The following KANSL1L variants were observed in gnomAD, a reference collection of about 807,000 sequenced individuals.
KANSL1L encodes the protein KAT8 regulatory NSL complex subunit 1 like.
Under a neutral mutation model 108.6 loss-of-function variants are expected in KANSL1L, and 25 were observed. The ratio of observed to expected loss-of-function variants is 0.23; its 90% CI spans 0.17 to 0.32. KANSL1L has a LOEUF of 0.32. Ranked by LOEUF, KANSL1L falls within the 10% of genes least tolerant of loss-of-function variation. KANSL1L has a pLI of 1.00. For synonymous variants in KANSL1L, 405 were observed against 395.1 expected (o/e 1.03, Z -0.30); for missense variants, 1,137 against 1,125.7 (o/e 1.01, Z -0.14).
At chr2:210,055,526 A>C (rs2094340737) in intron 6 of KANSL1L, among the ~76,000 whole-genome samples, 1 of 152,234 alleles carries the variant, frequency 6.6e-6, no homozygotes, top group South Asian at 2.1e-4. Context: ...CTCACAAGAC[A>C]GGTAGATGTG....
intron 13 of KANSL1L, among the ~76,000 whole-genome samples, chr2:210,024,725 GAAAA>G (rs2093912087): frequency 6.6e-6 from 1 of 151,828 alleles, no homozygotes; most frequent in African/African-American, 2.4e-5. Flanking sequence ...TTTTTTTAAA[GAAAA>G]ACATATTTTG....
intron 2 of KANSL1L, among the ~76,000 whole-genome samples, chr2:210,132,945 T>G (rs2095135249): frequency 6.6e-6 from 1 of 152,338 alleles, no homozygotes; most frequent in South Asian, 2.1e-4. Flanking sequence ...AAGTTTTCTA[T>G]GTGGGAAAGT....
chr2:210,065,149 C>A (rs1322161459), intron 6 of KANSL1L, among the ~76,000 whole-genome samples: 1 of 151,088 alleles, frequency 6.6e-6, no homozygotes, highest in Non-Finnish European at 1.5e-5. Flanking sequence ...CAAAAACAGC[C>A]CTGTGTGGTG....
intron 3 of KANSL1L, among the ~76,000 whole-genome samples, chr2:210,108,283 T>C (rs2094870347): frequency 6.6e-6 from 1 of 152,108 alleles, no homozygotes; most frequent in African/African-American, 2.4e-5. Flanking sequence ...ATAATGATAT[T>C]CTTAAAGGAA....
At chr2:210,032,532 A>G (rs1024009160) in intron 8 of KANSL1L, 1 of 152,304 alleles carries the variant, frequency 6.6e-6, no homozygotes, top group African/African-American at 2.4e-5. Flanking sequence ...TGGGAGCAGG[A>G]CAACTATCTG....
intron 5 of KANSL1L, among the ~76,000 whole-genome samples, chr2:210,095,485 C>T (rs1022985007): frequency 2.0e-5 from 3 of 152,100 alleles, no homozygotes; most frequent in Non-Finnish European, 4.4e-5. Context: ...GACCACGTTT[C>T]CTCAAAATTT....
chr2:210,063,675 G>A (rs1010909488), intron 6 of KANSL1L: 1 of 151,952 alleles, frequency 6.6e-6, no homozygotes, highest in Non-Finnish European at 1.5e-5. Context: ...GGGGCCTGTA[G>A]CCCCCTTTTT....
chr2:210,104,045 AG>A (rs766644858), intron 4 of KANSL1L, 58 bp downstream of exon 4: 1 of 1,292,756 alleles, frequency 7.7e-7, no homozygotes, highest in South Asian at 1.2e-5. Flanking sequence ...TTATTTGAAT[AG>A]TTTACAAAAT....
chr2:210,128,547 T>C lies in KANSL1L; in HGVS notation c.1230+484A>G, dbSNP rs183372858. On this transcript the variant is annotated intron_variant, in intron 3 of 14. Coordinates refer to ENST00000281772, the MANE Select transcript of KANSL1L (RefSeq NM_152519.4). ...TTCTGCTCATATGAGGTACTTAAAA[T>C]AGTCAAAATCATAAGAGACAGACAT... Among the ~76,000 whole-genome samples the C allele has an allele frequency of 3.7e-3, 558 of 152,248 alleles. 2 individuals carry two copies. The highest frequency in any genetic ancestry group is 0.011 in the South Asian group (54 of 4,824).
intron 9 of KANSL1L, chr2:210,030,977 AGAT>A (rs1484149823): frequency 6.6e-6 from 1 of 152,412 alleles, no homozygotes; most frequent in African/African-American, 2.4e-5. Context: ...GCATCTTATT[AGAT>A]GTTTTTAAAG....
intron 6 of KANSL1L, among the ~76,000 whole-genome samples, chr2:210,055,725 A>T (rs1439900332): frequency 2.0e-5 from 3 of 152,318 alleles, no homozygotes; most frequent in African/African-American, 7.2e-5. Context: ...TGGCCAAGAG[A>T]TCTGTGGAAC....
chr2:210,041,663 C>A (rs2094165562), intron 7 of KANSL1L, among the ~76,000 whole-genome samples: 1 of 152,154 alleles, frequency 6.6e-6, no homozygotes, highest in African/African-American at 2.4e-5. Flanking sequence ...GTCTTGAACT[C>A]TTGAGCTCAA....
At position 210,022,924 on chromosome 2, in the gene KANSL1L, C is replaced by T; in HGVS notation, c.*25G>A. The T allele has an allele frequency of 1.3e-6, 2 of 1,501,386 alleles. No individual in the cohort carries two copies. Among genetic ancestry groups the T allele is most frequent in the Non-Finnish European group, 1.9e-6 (2 of 1,078,938 alleles). The allele number at this position is 1,501,386 out of a possible 1,614,324, so 93.0% of individuals were successfully genotyped here. On this transcript the variant is annotated 3_prime_UTR_variant, in exon 15 of 15. Coordinates refer to ENST00000281772, the MANE Select transcript of KANSL1L (RefSeq NM_152519.4). The stretch of plus-strand genomic sequence containing the variant: ...TTTCCTCCCATCTTTCCTACATTTA[C>T]ATAGTTTTCTTAACCTGTTCCCTGT...
At chr2:210,109,068 C>T (rs1403301091) in intron 3 of KANSL1L, among the ~76,000 whole-genome samples, 1 of 152,024 alleles carries the variant, frequency 6.6e-6, no homozygotes, top group African/African-American at 2.4e-5. Context: ...ACTGTTCATC[C>T]CCCAAAGTCA....
At chr2:210,028,424 T>TTTTG (rs1475306901) in intron 11 of KANSL1L, 1 of 150,046 alleles carries the variant, frequency 6.7e-6, no homozygotes, top group African/African-American at 2.5e-5. Context: ...TTTTTTTTTT[T>TTTTG]TGGTCACAGG....
At position 210,024,098 on chromosome 2, in the gene KANSL1L, G is replaced by C. The variant is rs2093900375; in HGVS notation, c.2668C>G (p.Pro890Ala). Residue 890 changes from proline to alanine, a missense_variant, in exon 14 of 15, where the codon CCT becomes GCT. Physicochemically the swap from Pro to Ala is conservative, Grantham distance 27 (BLOSUM62 -1). Transcript: ENST00000281772. ...QCAAASPPGLPSENQDLCAYG... is the reference protein window; with the variant it reads ...QCAAASPPGLASENQDLCAYG... ...GCACACAGATCCTGGTTCTCTGAAGGAAGCCCAGGAGGACTTGCAGCAGCA... is the reference window on the plus strand; with the variant it reads ...GCACACAGATCCTGGTTCTCTGAAGCAAGCCCAGGAGGACTTGCAGCAGCA... 3 of 1,608,050 alleles carry C rather than the reference G, an allele frequency of 1.9e-6. No homozygotes were observed. Among genetic ancestry groups the C allele is most frequent in the Middle Eastern group, 1.7e-4 (1 of 6,046 alleles).
chr2:210,145,671 G>A (rs115985356), intron 2 of KANSL1L, among the ~76,000 whole-genome samples: 1,550 of 152,312 alleles, frequency 0.01, 20 homozygotes, highest in African/African-American at 0.035. Context: ...GGTCCAAGGA[G>A]TGGTCTAGTA....
chr2:210,144,656 CCTT>C (rs767685687), intron 2 of KANSL1L, among the ~76,000 whole-genome samples: 1 of 152,078 alleles, frequency 6.6e-6, no homozygotes, highest in Non-Finnish European at 1.5e-5. Flanking sequence ...TGCCTAGTTA[CCTT>C]TTTTTAAATA....
intron 6 of KANSL1L, among the ~76,000 whole-genome samples, chr2:210,052,440 C>G (rs1394774063): frequency 6.6e-6 from 1 of 152,170 alleles, no homozygotes; most frequent in Non-Finnish European, 1.5e-5. Context: ...TATTCTCCTT[C>G]TTGCTGATGG....
Sources: gnomAD v4.1 joint callset for allele counts (sites outside exome capture counted in the v4.1 genomes callset) on GRCh38, gnomAD v4.1.1 for gene constraint, MANE v1.5 for transcripts, NCBI Gene and HGNC (gene_info 2026-07-23, HGNC 2026-07-21) for gene names.